Variants in TDRD1 observed in about 807,000 individuals in gnomAD.
TDRD1 encodes tudor domain-containing protein 1.
In TDRD1, 37 loss-of-function variants were observed where a neutral mutation model predicts 140.6. The ratio of observed to expected loss-of-function variants is 0.26; its 90% confidence interval spans 0.20 to 0.35. The LOEUF (loss-of-function observed/expected upper bound fraction) is 0.35. TDRD1 is among the 10% of genes least tolerant of loss of function. The pLI is 1.00. For missense variants in TDRD1, 1,243 were observed against 1,393.0 expected, an observed-to-expected ratio of 0.89 and a Z score of 1.71; for synonymous variants, 506 against 475.7, an observed-to-expected ratio of 1.06 and a Z score of -0.83.
rs750552684 is a variant in TDRD1, at chr10:114,210,571, T to C, written c.1385-10T>C. The stretch of plus-strand genomic sequence containing the variant: ...CAAAATGGCTTATTTTTCTGTTTTC[T>C]TCTGATAAGGTGATCCTGAAGATGT... On this transcript the variant is annotated splice_polypyrimidine_tract_variant and intron_variant, in intron 11 of 25. Transcript: ENST00000251864. 6.4e-7 allele frequency: 1 copy of C among 1,560,552 alleles called. No homozygotes were observed. The highest frequency in any genetic ancestry group is 8.7e-7 in the Non-Finnish European group (1 of 1,151,674).
chr10:114,203,492 A>T, exon 8 of TDRD1: 1 of 1,614,032 alleles, frequency 6.2e-7, no homozygotes, highest in South Asian at 1.1e-5. Flanking sequence ...TAAAAGAAAC[A>T]TATGCAAATG....
upstream of TDRD1, among the ~76,000 whole-genome samples, chr10:114,176,477 C>A (rs941951286): frequency 4.6e-5 from 7 of 152,172 alleles, no homozygotes; most frequent in Non-Finnish European, 8.8e-5. The surrounding 1 kb of genome is among the most constrained non-coding windows in gnomAD (Gnocchi z 4.2). Flanking sequence ...CACCTGTAAT[C>A]CCAGCCCTTT....
intron 4 of TDRD1, among the ~76,000 whole-genome samples, chr10:114,200,110 G>A (rs955397464): frequency 1.3e-5 from 2 of 152,182 alleles, no homozygotes; most frequent in African/African-American, 4.8e-5. Flanking sequence ...TCCACATTTG[G>A]TGTTTGTGTT....
At chr10:114,216,813 A>C (rs990123901) in intron 16 of TDRD1, among the ~76,000 whole-genome samples, 1 of 152,242 alleles carries the variant, frequency 6.6e-6, no homozygotes, top group Non-Finnish European at 1.5e-5. Flanking sequence ...CTGAAAGGTG[A>C]AACATCTGAA....
At chr10:114,217,508 T>A in intron 16 of TDRD1, 37 bp from the exon 17 acceptor site, 2 of 1,131,782 alleles carry the variant, frequency 1.8e-6, no homozygotes, top group Non-Finnish European at 2.6e-6. Flanking sequence ...TATTTTTTAA[T>A]ATGTTCTTAA....
In TDRD1 at chr10:114,228,124, AAGTT is replaced by A. The variant is rs1272202177; in HGVS notation, c.3538+1_3538+4del. ...TTATTGAAATGAAAAAACTGTTAAA[AAGTT>A]AAGTAAGTTAAATCGTATGTTTTCG... is the stretch of plus-strand genomic sequence containing the variant. On this transcript the variant is annotated splice_donor_variant and splice_donor_region_variant and coding_sequence_variant and intron_variant, in exon 25 of 26. Transcript: ENST00000251864. LOFTEE classifies it high-confidence loss of function. 4.4e-6 allele frequency: 7 copies of A among 1,578,434 alleles called. No homozygotes were observed. The highest frequency in any genetic ancestry group is 1.4e-5 in the African/African-American group (1 of 73,578).
Position 114,210,599 on chromosome 10 carries a change from GAA to G in TDRD1, c.1407_1408del (p.Lys469AsnfsTer4). The stretch of plus-strand genomic sequence containing the variant: ...TGATAAGGTGATCCTGAAGATGTTG[GAA>G]AAATGACAACTGAAAACAACATTGT... On this transcript the variant is annotated frameshift_variant, in exon 12 of 26. Transcript: ENST00000251864. LOFTEE classifies it high-confidence loss of function. The G allele has an allele frequency of 6.3e-7, 1 of 1,593,560 alleles. No homozygotes were observed. The highest frequency in any genetic ancestry group is 8.6e-7 in the Non-Finnish European group (1 of 1,165,114).
chr10:114,204,814 G>A (rs1333121488), exon 10 of TDRD1: 1 of 1,603,784 alleles, frequency 6.2e-7, no homozygotes, highest in South Asian at 1.1e-5. Flanking sequence ...TAATGGAGCA[G>A]TACTGCTCCA....
exon 23 of TDRD1, chr10:114,227,141 A>G (rs1417338177): frequency 6.2e-6 from 10 of 1,607,712 alleles, no homozygotes; most frequent in Non-Finnish European, 8.5e-6. Flanking sequence ...ATGTTGAATC[A>G]GAATGTAATG....
chr10:114,196,681 A>G (rs1395268663), intron 3 of TDRD1, among the ~76,000 whole-genome samples: 3 of 151,876 alleles, frequency 2.0e-5, no homozygotes, highest in Non-Finnish European at 4.4e-5. Context: ...CATACAGGTA[A>G]GGGATTATTT....
exon 18 of TDRD1, chr10:114,218,545 T>G: frequency 6.2e-7 from 1 of 1,611,214 alleles, no homozygotes; most frequent in South Asian, 1.1e-5. Flanking sequence ...ATCAACATTT[T>G]TAAACCTTCC....
rs2035954369 is a variant in TDRD1 at position 114,218,595 on chromosome 10, C to T, written c.2494+11C>T. 5 of 1,556,700 alleles carry T rather than the reference C, an allele frequency of 3.2e-6. No individual in the cohort carries two copies. The highest frequency in any genetic ancestry group is 1.4e-5 in the African/African-American group (1 of 73,126). ...GGTGCCAGTTAGCAGGTATGGTATACAATAAGAAACTTTCTCAACTTTCTA... is the reference window on the plus strand; with the variant it reads ...GGTGCCAGTTAGCAGGTATGGTATATAATAAGAAACTTTCTCAACTTTCTA... On this transcript the variant is annotated intron_variant, in intron 18 of 25. Coordinates refer to ENST00000251864, the Ensembl canonical transcript of TDRD1.
At chr10:114,206,096 C>G (rs776187061) in intron 10 of TDRD1, 148 bp from the exon 11 acceptor site, 20 of 603,346 alleles carry the variant, frequency 3.3e-5, no homozygotes, top group Admixed American at 5.7e-5. Context: ...CATAGCTTAC[C>G]CATAGGAACT....
In TDRD1 at chr10:114,187,127, C is replaced by T. The variant is rs1292539462; in HGVS notation, c.-6-699C>T. Among the ~76,000 whole-genome samples the T allele has an allele frequency of 2.0e-5, 3 of 152,308 alleles. No homozygotes were observed. In the South Asian group the frequency reaches 6.2e-4, roughly 32 times the overall value. Reference sequence around the variant, plus strand: ...TGTGGATAGAGGTTTCTCAGAGACACTTTGTGACAAATTAAACTTGGAAAG... The same window carrying T: ...TGTGGATAGAGGTTTCTCAGAGACATTTTGTGACAAATTAAACTTGGAAAG... On this transcript the variant is annotated intron_variant, in intron 1 of 25. Transcript: ENST00000251864.
rs140438361 is a variant in TDRD1 at position 114,213,348 on chromosome 10, G to A, written c.1834G>A (p.Val612Ile). ...ATTCATTCAAAATTCTTTGTTAGGA[G>A]TAAAGCCATCATTAGGAATTTGGAC... is the stretch of plus-strand genomic sequence containing the variant. Residue 612 changes from valine (V) to isoleucine (I), a missense_variant and splice_region_variant, in exon 15 of 26, where the codon GTA (valine) becomes ATA (isoleucine). Coordinates refer to ENST00000251864, the Ensembl canonical transcript of TDRD1. 6.8e-4 allele frequency: 1,098 copies of A among 1,610,896 alleles called. 1 individual carries two copies. Among genetic ancestry groups the A allele is most frequent in the Non-Finnish European group, 8.8e-4 (1,037 of 1,177,848 alleles).
chr10:114,188,181 A>G (rs1292285181), intron 2 of TDRD1, 25 bp downstream of exon 2: 2 of 1,538,860 alleles, frequency 1.3e-6, no homozygotes, highest in East Asian at 2.3e-5. Context: ...CAGGCTTCCT[A>G]CTTCTTCATT....
intron 3 of TDRD1, among the ~76,000 whole-genome samples, chr10:114,198,765 C>T (rs915219396): frequency 4.6e-5 from 7 of 152,166 alleles, no homozygotes; most frequent in Admixed American, 4.6e-4. Flanking sequence ...GTGTTCCTCC[C>T]TCCTCAGCCT....
intron 25 of TDRD1, among the ~76,000 whole-genome samples, chr10:114,231,318 T>C (rs1231234534): frequency 6.6e-6 from 1 of 152,204 alleles, no homozygotes; most frequent in Admixed American, 6.5e-5. Flanking sequence ...TTAGCATATA[T>C]TATGCTATGT....
chr10:114,180,064 A>G (rs934694428), intron 1 of TDRD1: 1 of 152,210 alleles, frequency 6.6e-6, no homozygotes, highest in Non-Finnish European at 1.5e-5. Flanking sequence ...CCAACTTCCC[A>G]CGTCTCCCTT....
Sources: allele counts gnomAD v4.1 joint callset (sites outside exome capture counted in the v4.1 genomes callset), GRCh38; gene constraint gnomAD v4.1.1; non-coding constraint Gnocchi (gnomAD v3.1); transcripts MANE v1.5; gene names NCBI Gene and HGNC (gene_info 2026-07-23, HGNC 2026-07-21).